Variants in PDE10A observed in about 807,000 individuals in gnomAD.
PDE10A encodes the protein phosphodiesterase 10A.
In PDE10A, 39 loss-of-function variants were observed where a neutral mutation model predicts 97.7. The observed-to-expected ratio is 0.40, with a 90% CI of 0.31 to 0.52. The LOEUF (loss-of-function observed/expected upper bound fraction) is 0.52. PDE10A is among the 20% of genes least tolerant of loss of function. The pLI is 0.56. For synonymous variants in PDE10A, 371 were observed against 376.8 expected (o/e 0.98, Z 0.18); for missense variants, 731 against 1,047.8 (o/e 0.70, Z 4.17).
chr6:165,333,900 C>T (rs1209186055), intron 21 of PDE10A, among the ~76,000 whole-genome samples: 1 of 152,196 alleles, frequency 6.6e-6, no homozygotes, highest in Non-Finnish European at 1.5e-5. Context: ...TTGGGAAATA[C>T]AAAACTCCTA....
chr6:165,819,072 T>G lies in PDE10A; in HGVS notation c.-615+168457A>C, dbSNP rs930821662. On this transcript the variant is annotated intron_variant, in intron 1 of 19. Coordinates refer to the PDE10A transcript ENST00000366882. This position sits in a 1 kb window ranked among gnomAD's most constrained non-coding sequence, Gnocchi z 4.2. ...CATTTATGAAGCCTCCGTCTAAGCT[T>G]GAGTCCTGTGTGCCCACTGGCTGCT... 2.0e-5 allele frequency among the ~76,000 whole-genome samples: 3 copies of G among 152,198 alleles called. No homozygotes were observed. The highest frequency in any genetic ancestry group is 1.3e-4 in the Admixed American group (2 of 15,286).
At chr6:165,607,536 G>T (rs1381950318) in intron 1 of PDE10A, among the ~76,000 whole-genome samples, 1 of 152,126 alleles carries the variant, frequency 6.6e-6, no homozygotes, top group Non-Finnish European at 1.5e-5. Context: ...ATCTAGGTTT[G>T]TTAAGTGCAC....
intron 2 of PDE10A, among the ~76,000 whole-genome samples, chr6:165,535,551 A>G (rs962958016): frequency 6.6e-6 from 1 of 151,656 alleles, no homozygotes; most frequent in African/African-American, 2.4e-5. Flanking sequence ...AAAAGACATG[A>G]TTTCATTATT....
At chr6:165,750,569 ATCGCC>A (rs1792975064) in intron 1 of PDE10A, among the ~76,000 whole-genome samples, 1 of 152,174 alleles carries the variant, frequency 6.6e-6, no homozygotes. Flanking sequence ...GGTGATTTCA[ATCGCC>A]TCGTGAGTTC....
chr6:165,980,793 T>C (rs1353078000), intron 1 of PDE10A, among the ~76,000 whole-genome samples: 2 of 152,176 alleles, frequency 1.3e-5, no homozygotes, highest in African/African-American at 2.4e-5. Context: ...ATGCAATATA[T>C]AATATCAAGA....
chr6:165,356,515 TA>T (rs1487531851), intron 18 of PDE10A, among the ~76,000 whole-genome samples: 1 of 152,164 alleles, frequency 6.6e-6, no homozygotes, highest in Non-Finnish European at 1.5e-5. Flanking sequence ...TCCTTAAAGG[TA>T]CCTTTTAAGG....
At chr6:165,593,483 G>A (rs1583607705) in intron 1 of PDE10A, among the ~76,000 whole-genome samples, 5 of 152,036 alleles carry the variant, frequency 3.3e-5, no homozygotes, top group Non-Finnish European at 2.9e-5. Context: ...GGCTAACAAA[G>A]TTGATGGCAT....
At chr6:165,649,635 G>A (rs1213087111) in intron 1 of PDE10A, among the ~76,000 whole-genome samples, 1 of 152,102 alleles carries the variant, frequency 6.6e-6, no homozygotes, top group Non-Finnish European at 1.5e-5. Context: ...AGGTGCAGGG[G>A]TGCCCACTGC....
Position 165,955,178 on chromosome 6 carries a change from C to T in PDE10A, c.-615+32351G>A, listed in dbSNP as rs1784098577. Reference sequence around the variant, plus strand: ...CGCACTCACCTTGGGGCTACAATCCCCAAGTTCTCCACATAGCCCGAGGGT... The same window carrying T: ...CGCACTCACCTTGGGGCTACAATCCTCAAGTTCTCCACATAGCCCGAGGGT... On this transcript the variant is annotated intron_variant, in intron 1 of 19. Transcript: ENST00000366882. Among the ~76,000 whole-genome samples, 5 of 152,268 alleles carry T rather than the reference C, an allele frequency of 3.3e-5. No individual in the cohort carries two copies. The South Asian group carries it at 1.0e-3, about 32-fold the overall frequency.
rs367887654 is a variant in PDE10A at position 165,889,569 on chromosome 6, G to C, written c.-615+97960C>G. Among the ~76,000 whole-genome samples the C allele has an allele frequency of 6.6e-5, 10 of 152,286 alleles. No homozygotes were observed. The South Asian group carries it at 1.2e-3, about 19-fold the overall frequency. On this transcript the variant is annotated intron_variant, in intron 1 of 19. Coordinates refer to the PDE10A transcript ENST00000366882. ...GTCATTGAGGGGATATGTTAGAGCT[G>C]CTAGCTCCATCCAGGCACACGTTAG...
chr6:165,627,758 T>C (rs1397365664), intron 1 of PDE10A, among the ~76,000 whole-genome samples: 1 of 152,238 alleles, frequency 6.6e-6, no homozygotes, highest in Non-Finnish European at 1.5e-5. Flanking sequence ...GGCATATCAC[T>C]AAATATCTTT....
chr6:165,401,713 C>A (rs947893597), intron 13 of PDE10A, among the ~76,000 whole-genome samples: 6 of 152,162 alleles, frequency 3.9e-5, no homozygotes, highest in Non-Finnish European at 2.9e-5. Flanking sequence ...TTCCTAGCTG[C>A]GCAAGGCCCA....
At chr6:165,865,313 C>A (rs1467007263) in intron 1 of PDE10A, among the ~76,000 whole-genome samples, 1 of 152,136 alleles carries the variant, frequency 6.6e-6, no homozygotes, top group South Asian at 2.1e-4. Context: ...TTCTATAAAG[C>A]CAATTTTATA....
At chr6:165,748,057 C>T (rs1325400135) in intron 1 of PDE10A, among the ~76,000 whole-genome samples, 2 of 152,158 alleles carry the variant, frequency 1.3e-5, no homozygotes, top group Non-Finnish European at 2.9e-5. Flanking sequence ...GGAAGTCCTA[C>T]ACGATCCACC....
chr6:165,663,010 G>A lies in PDE10A; in HGVS notation c.-199C>T, dbSNP rs1251859800. Among the ~76,000 whole-genome samples, 3 of 151,302 alleles carry A rather than the reference G, an allele frequency of 2.0e-5. No homozygotes were observed. Among genetic ancestry groups the A allele is most frequent in the African/African-American group, 7.3e-5 (3 of 41,270 alleles). Reference sequence around the variant, plus strand: ...CTCGGCTTGGGTTGCGGGAGGACCCGGGCCTGGGGGCCAGGCCCCGGCGAC... The same window carrying A: ...CTCGGCTTGGGTTGCGGGAGGACCCAGGCCTGGGGGCCAGGCCCCGGCGAC... On this transcript the variant is annotated 5_prime_UTR_variant, in exon 1 of 22. Transcript: ENST00000539869.
chr6:165,697,267 G>A (rs1791464291), intron 1 of PDE10A, among the ~76,000 whole-genome samples: 2 of 152,144 alleles, frequency 1.3e-5, no homozygotes, highest in Admixed American at 6.5e-5. Context: ...TTTAAAAGGA[G>A]AGGAGAAAAA....
At chr6:165,590,534 T>C (rs1427600587) in intron 1 of PDE10A, among the ~76,000 whole-genome samples, 1 of 152,200 alleles carries the variant, frequency 6.6e-6, no homozygotes, top group African/African-American at 2.4e-5. Flanking sequence ...TGTACAAAAC[T>C]GTAGCCTCCT....
intron 1 of PDE10A, among the ~76,000 whole-genome samples, chr6:165,684,322 C>A (rs4327663): frequency 0.86 from 131,631 of 152,242 alleles, 57,162 homozygotes; most frequent in South Asian, 0.93. Flanking sequence ...ATAATTGTTC[C>A]AAAAATGTTT....
chr6:165,911,912 G>A (rs967272043), intron 1 of PDE10A, among the ~76,000 whole-genome samples: 26 of 152,044 alleles, frequency 1.7e-4, no homozygotes, highest in African/African-American at 6.0e-4. Context: ...TCTGGGAGAC[G>A]GCTGCCCTTC....
Sources: gnomAD v4.1 joint callset for allele counts (sites outside exome capture counted in the v4.1 genomes callset) on GRCh38, gnomAD v4.1.1 for gene constraint, Gnocchi (gnomAD v3.1) non-coding constraint, MANE v1.5 for transcripts, NCBI Gene and HGNC (gene_info 2026-07-23, HGNC 2026-07-21) for gene names.